Variants in PLK1 observed in about 807,000 individuals in gnomAD.
The protein encoded by PLK1 is serine/threonine-protein kinase PLK1.
PLK1 carries 6 observed loss-of-function variants against 56.7 expected under a neutral mutation model. That is an observed-to-expected ratio of 0.11 (90% CI 0.06 to 0.21). The LOEUF is 0.21. Ranked by LOEUF, PLK1 falls within the 10% of genes least tolerant of loss-of-function variation. The pLI is 1.00. For missense variants in PLK1, 546 were observed against 814.4 expected (o/e 0.67, Z 4.01); for synonymous variants, 298 against 325.0 (o/e 0.92, Z 0.89).
intron 1 of PLK1, 172 bp from the exon 2 acceptor site, chr16:23,679,912 G>T: frequency 1.7e-6 from 1 of 579,974 alleles, no homozygotes; most frequent in Non-Finnish European, 3.1e-6. Flanking sequence ...CTGTGCTGGA[G>T]AAGGAATGGG....
intron 7 of PLK1, among the ~76,000 whole-genome samples, 165 bp downstream of exon 7, chr16:23,688,910 C>CT (rs112964547): frequency 0.092 from 13,619 of 147,388 alleles, 881 homozygotes; most frequent in African/African-American, 0.17. Flanking sequence ...GACTCCCCAG[C>CT]TTTTTTTTTT....
chr16:23,689,911 G>A lies in PLK1; in HGVS notation c.1660G>A (p.Asp554Asn), dbSNP rs371534600. 10 of 1,613,990 alleles carry A rather than the reference G, an allele frequency of 6.2e-6. No homozygotes were observed. Among genetic ancestry groups the A allele is most frequent in the Admixed American group, 1.7e-5 (1 of 60,010 alleles). Residue 554 changes from aspartate (D) to asparagine (N), a missense_variant, in exon 10 of 10, where the codon GAC becomes AAC. Around this residue, in one of 7 missense-constraint regions of PLK1, gnomAD observed 72 missense variants for 77.9 expected, o/e 0.92. Coordinates refer to ENST00000300093, the MANE Select transcript of PLK1 (RefSeq NM_005030.6). The surrounding 1 kb of genome is among the most constrained non-coding windows in gnomAD (Gnocchi z 4.8). ...CPLMAAVTYI[D>N]EKRDFRTYRL... ...ACTGATGGCAGCCGTGACCTACATC[G>A]ACGAGAAGCGGGACTTCCGCACATA...
Position 23,682,067 on chromosome 16 carries a change from T to C in PLK1, c.726T>C (p.Tyr242=). The change falls in exon 4 of 10, where the codon TAT becomes TAC. Residue 242 remains tyrosine (Y), a synonymous_variant. Transcript: ENST00000300093. ...VDVWSIGCIM[Y]TLLVGKPPFE... ...AAATCCTACCTTGTGCTTACAGGTA[T>C]ACCTTGTTAGTGGGCAAACCACCTT... The C allele has an allele frequency of 6.4e-7, 1 of 1,573,152 alleles. No homozygotes were observed.
Position 23,689,783 on chromosome 16 carries a change from C to G in PLK1, c.1609-77C>G, listed in dbSNP as rs144383826. 1 of 1,523,948 alleles carries G rather than the reference C, an allele frequency of 6.6e-7. No individual in the cohort carries two copies. Among genetic ancestry groups the G allele is most frequent in the Non-Finnish European group, 9.1e-7 (1 of 1,104,958 alleles). The allele number at this position is 1,523,948 out of a possible 1,614,324, so 94.4% of individuals were successfully genotyped here. ...GAGTGAGCGGCTCAGGTACCTATAA[C>G]CTGTTGTGTCTTCCCTCTACTCCCT... On this transcript the variant is annotated intron_variant, in intron 9 of 9. Transcript: ENST00000300093. This position sits in a 1 kb window ranked among gnomAD's most constrained non-coding sequence, Gnocchi z 4.8.
At chr16:23,688,627 C>T (rs752889775) in intron 6 of PLK1, 41 bp from the exon 7 acceptor site, 2 of 1,459,606 alleles carry the variant, frequency 1.4e-6, no homozygotes, top group Non-Finnish European at 1.9e-6. Context: ...GGGGAAGAGG[C>T]TGGTCCTGAC....
intron 1 of PLK1, chr16:23,679,841 T>G: frequency 2.5e-6 from 1 of 394,060 alleles, no homozygotes; most frequent in Non-Finnish European, 4.6e-6. Flanking sequence ...GGGGGGAAGC[T>G]AGTAGGAGAA....
Position 23,678,909 on chromosome 16 carries a change from G to A in PLK1, c.-24G>A. On this transcript the variant is annotated 5_prime_UTR_variant, in exon 1 of 10. Transcript: ENST00000300093. ...GGTGCGGAGGCTCTGCTCGGATCGA[G>A]GTCTGCAGCGCAGCTTCGGGAGCAT... 2 of 1,481,474 alleles carry A rather than the reference G, an allele frequency of 1.4e-6. No homozygotes were observed. The highest frequency in any genetic ancestry group is 2.6e-5 in the South Asian group (2 of 75,880). The allele number at this position is 1,481,474 out of a possible 1,614,324, so 91.8% of individuals were successfully genotyped here.
At chr16:23,682,542 T>C (rs1409379118) in intron 4 of PLK1, among the ~76,000 whole-genome samples, 1 of 141,948 alleles carries the variant, frequency 7.0e-6, no homozygotes, top group Non-Finnish European at 1.6e-5. Context: ...TTTTTTTTTT[T>C]ATTTGAGGTG....
rs751218054 is a variant in PLK1, at chr16:23,689,281, C to T, written c.1314C>T (p.Asp438=). The T allele has an allele frequency of 4.3e-6, 7 of 1,613,700 alleles. No homozygotes were observed. Among genetic ancestry groups the T allele is most frequent in the Non-Finnish European group, 5.9e-6 (7 of 1,179,780 alleles). Residue 438 remains aspartate, a synonymous_variant, in exon 8 of 10, where the codon GAC becomes GAT. Coordinates refer to ENST00000300093, the MANE Select transcript of PLK1 (RefSeq NM_005030.6). The surrounding 1 kb of genome is among the most constrained non-coding windows in gnomAD (Gnocchi z 4.8). ...ACAGCGTGGGGGTGCTCTTCAATGA[C>T]TCAACACGCCTCATCCTCTACAATG... is the stretch of plus-strand genomic sequence containing the variant. ...CDNSVGVLFN[D]STRLILYNDG... is the part of the protein sequence containing the mutation.
At position 23,679,052 on chromosome 16, in the gene PLK1, C is replaced by T. The variant is rs761098057; in HGVS notation, c.120C>T (p.Ile40=). 6.2e-7 allele frequency: 1 copy of T among 1,607,574 alleles called. No individual in the cohort carries two copies. The highest frequency in any genetic ancestry group is 8.5e-7 in the Non-Finnish European group (1 of 1,175,834). Residue 40 remains isoleucine (I), a synonymous_variant, in exon 1 of 10, where the codon ATC becomes ATT. Transcript: ENST00000300093. ...CGGCGGCTCCACCGGCGAAAGAGAT[C>T]CCGGAGGTCCTAGTGGACCCACGCA... ...APAAAPPAKE[I]PEVLVDPRSR... is the part of the protein sequence containing the mutation.
chr16:23,687,303 A>G (rs1034406511), intron 5 of PLK1, 166 bp from the exon 6 acceptor site: 7 of 535,428 alleles, frequency 1.3e-5, no homozygotes, highest in Admixed American at 6.6e-5. Context: ...AGTGAGCACT[A>G]TGTGCCTGTC....
At chr16:23,688,423 GGAGT>G (rs961778861) in intron 6 of PLK1, among the ~76,000 whole-genome samples, 1 of 152,254 alleles carries the variant, frequency 6.6e-6, no homozygotes, top group Non-Finnish European at 1.5e-5. Flanking sequence ...GTGGAATGAA[GGAGT>G]GAGTGGAACT....
intron 4 of PLK1, among the ~76,000 whole-genome samples, chr16:23,682,524 C>CTTTTTT: frequency 7.3e-6 from 1 of 136,158 alleles, no homozygotes; most frequent in African/African-American, 2.7e-5. Context: ...TGGCCTGCAT[C>CTTTTTT]TTTTTTTTTT....
chr16:23,685,591 T>C (rs1959414355), intron 5 of PLK1, among the ~76,000 whole-genome samples: 1 of 151,800 alleles, frequency 6.6e-6, no homozygotes, highest in Non-Finnish European at 1.5e-5. Flanking sequence ...ACCTGTAATC[T>C]CAGCTACTCG....
intron 4 of PLK1, among the ~76,000 whole-genome samples, chr16:23,682,524 C>CTTT (rs375256991): frequency 0.04 from 5,491 of 136,038 alleles, 227 homozygotes; most frequent in African/African-American, 0.099. Context: ...TGGCCTGCAT[C>CTTT]TTTTTTTTTT....
At position 23,679,111 on chromosome 16, in the gene PLK1, G is replaced by T. The variant is rs1318356215; in HGVS notation, c.179G>T (p.Gly60Val). 6.2e-7 allele frequency: 1 copy of T among 1,610,090 alleles called. No homozygotes were observed. The highest frequency in any genetic ancestry group is 1.7e-5 in the Admixed American group (1 of 59,874). The change falls in exon 1 of 10, where the codon GGC becomes GTC. Residue 60 changes from glycine (G) to valine (V), a missense_variant. Gly to Val is a moderately radical substitution (Grantham distance 109). Coordinates refer to ENST00000300093, the MANE Select transcript of PLK1 (RefSeq NM_005030.6). ...CGCTATGTGCGGGGCCGCTTTTTGG[G>T]CAAGGGCGGCTTTGCCAAGTGCTTC... ...RRRYVRGRFLGKGGFAKCFEI... is the reference protein window; with the variant it reads ...RRRYVRGRFLVKGGFAKCFEI...
In PLK1 at chr16:23,689,818, T is replaced by A; in HGVS notation, c.1609-42T>A. The A allele has an allele frequency of 1.3e-6, 2 of 1,577,772 alleles. No homozygotes were observed. The highest frequency in any genetic ancestry group is 1.7e-6 in the Non-Finnish European group (2 of 1,148,348). ...CTTCCCTCTACTCCCTAACATACAC[T>A]GGCCTCTGGGATCGCCAACCCCTGC... On this transcript the variant is annotated intron_variant, in intron 9 of 9. Coordinates refer to ENST00000300093, the MANE Select transcript of PLK1 (RefSeq NM_005030.6). The surrounding 1 kb of genome is among the most constrained non-coding windows in gnomAD (Gnocchi z 4.8).
chr16:23,689,471 C>A lies in PLK1; in HGVS notation c.1426-23C>A. On this transcript the variant is annotated intron_variant, in intron 8 of 9. Coordinates refer to ENST00000300093, the MANE Select transcript of PLK1 (RefSeq NM_005030.6). This position sits in a 1 kb window ranked among gnomAD's most constrained non-coding sequence, Gnocchi z 4.8. ...GGAGGATCAGACTCTAATTCTGGAACCCCTTACCTACTTTTCATCCAGATC... is the reference window on the plus strand; with the variant it reads ...GGAGGATCAGACTCTAATTCTGGAAACCCTTACCTACTTTTCATCCAGATC... 1 of 1,600,232 alleles carries A rather than the reference C, an allele frequency of 6.2e-7. No individual in the cohort carries two copies. Among genetic ancestry groups the A allele is most frequent in the Non-Finnish European group, 8.6e-7 (1 of 1,168,602 alleles).
At chr16:23,686,620 G>A (rs1959432387) in intron 5 of PLK1, among the ~76,000 whole-genome samples, 1 of 152,156 alleles carries the variant, frequency 6.6e-6, no homozygotes, top group Non-Finnish European at 1.5e-5. Flanking sequence ...AGCCTCCCAA[G>A]TAGCTAGGAC....
Sources: gnomAD v4.1 joint callset for allele counts (sites outside exome capture counted in the v4.1 genomes callset) on GRCh38, gnomAD v4.1.1 for gene constraint, gnomAD v4.1.1 regional missense constraint, Gnocchi (gnomAD v3.1) non-coding constraint, MANE v1.5 for transcripts, NCBI Gene and HGNC (gene_info 2026-07-23, HGNC 2026-07-21) for gene names.